The following CCDC102B variants were observed in gnomAD, a reference collection of about 807,000 sequenced individuals.
CCDC102B encodes the protein coiled-coil domain-containing protein 102B.
Under a neutral mutation model 57.4 loss-of-function variants are expected in CCDC102B, and 75 were observed. The observed-to-expected ratio is 1.31, with a 90% CI of 1.08 to 1.58. CCDC102B has a LOEUF of 1.58. CCDC102B is among the 40% of genes most tolerant of loss of function. The pLI is 0.00. For synonymous variants in CCDC102B, 206 were observed against 201.9 expected (o/e 1.02, Z -0.17); for missense variants, 636 against 582.6 (o/e 1.09, Z -0.94).
chr18:69,012,944 A>C (rs570908921), intron 7 of CCDC102B, among the ~76,000 whole-genome samples: 12 of 152,214 alleles, frequency 7.9e-5, no homozygotes, highest in Non-Finnish European at 1.5e-4. Context: ...AACAAGCTCT[A>C]ATGAAAACAA....
intron 6 of CCDC102B, among the ~76,000 whole-genome samples, chr18:68,937,340 C>T (rs765405795): frequency 2.6e-5 from 4 of 152,012 alleles, no homozygotes; most frequent in Non-Finnish European, 2.9e-5. Flanking sequence ...GTTCACAGAA[C>T]GAGAGCTGAA....
intron 2 of CCDC102B, among the ~76,000 whole-genome samples, chr18:68,767,831 G>C (rs1798671176): frequency 6.6e-6 from 1 of 152,034 alleles, no homozygotes; most frequent in Admixed American, 6.6e-5. Flanking sequence ...AATCATTTAT[G>C]ACAAAATATG....
At chr18:69,012,402 T>C (rs551264598) in intron 7 of CCDC102B, among the ~76,000 whole-genome samples, 52 of 152,264 alleles carry the variant, frequency 3.4e-4, no homozygotes, top group Non-Finnish European at 3.8e-4. Flanking sequence ...AATGAAGTGC[T>C]AGTCTCCGAA....
At chr18:68,835,694 C>G (rs958500866) in intron 1 of CCDC102B, among the ~76,000 whole-genome samples, 1 of 152,166 alleles carries the variant, frequency 6.6e-6, no homozygotes, top group Non-Finnish European at 1.5e-5. Flanking sequence ...TTCTACGTGT[C>G]ATGCCATAAT....
intron 2 of CCDC102B, among the ~76,000 whole-genome samples, chr18:68,758,293 A>G (rs2034127606): frequency 6.6e-6 from 1 of 151,598 alleles, no homozygotes; most frequent in Admixed American, 6.6e-5. Flanking sequence ...TATATATGTT[A>G]TATATATAAA....
At chr18:68,765,327 A>AAGAAAGAAAG (rs1568238814) in intron 2 of CCDC102B, among the ~76,000 whole-genome samples, 1 of 70,778 alleles carries the variant, frequency 1.4e-5, no homozygotes, top group Non-Finnish European at 3.1e-5. Context: ...GAAGGAAGGA[A>AAGAAAGAAAG]AGAAAGAAAG....
intron 4 of CCDC102B, among the ~76,000 whole-genome samples, chr18:68,857,007 TGTC>T (rs2038418498): frequency 7.3e-6 from 1 of 136,906 alleles, no homozygotes; most frequent in African/African-American, 2.7e-5. Flanking sequence ...TATTTTGTTT[TGTC>T]TATTTTCTTT....
chr18:68,824,741 A>C (rs932725739), intron 1 of CCDC102B, among the ~76,000 whole-genome samples: 1 of 152,208 alleles, frequency 6.6e-6, no homozygotes, highest in Non-Finnish European at 1.5e-5. Context: ...ACATGATATT[A>C]TAAGTCTTTG....
intron 1 of CCDC102B, among the ~76,000 whole-genome samples, chr18:68,803,178 G>A (rs1286376675): frequency 6.6e-6 from 1 of 152,126 alleles, no homozygotes; most frequent in East Asian, 1.9e-4. Context: ...TGTAATGCTT[G>A]CCTTTTGGAA....
chr18:69,037,864 C>G (rs1453627934), intron 7 of CCDC102B, among the ~76,000 whole-genome samples: 3 of 151,924 alleles, frequency 2.0e-5, no homozygotes, highest in Admixed American at 1.3e-4. Context: ...TTACGTGAGA[C>G]TAAATGGTCA....
At chr18:68,751,466 TCAC>T (rs2033848263) in intron 2 of CCDC102B, among the ~76,000 whole-genome samples, 1 of 151,580 alleles carries the variant, frequency 6.6e-6, no homozygotes, top group Non-Finnish European at 1.5e-5. Flanking sequence ...AACAGAGAAA[TCAC>T]CAAGAAAAAG....
chr18:68,830,604 TA>T (rs2037104162), intron 1 of CCDC102B, among the ~76,000 whole-genome samples: 1 of 151,384 alleles, frequency 6.6e-6, no homozygotes, highest in African/African-American at 2.4e-5. Context: ...AGATTATATA[TA>T]CATGTATATG....
At chr18:68,976,748 G>A (rs2050448338) in intron 6 of CCDC102B, among the ~76,000 whole-genome samples, 1 of 151,982 alleles carries the variant, frequency 6.6e-6, no homozygotes, top group Non-Finnish European at 1.5e-5. Context: ...TGTTACTTTA[G>A]TGTAGTTGAA....
intron 4 of CCDC102B, among the ~76,000 whole-genome samples, chr18:68,857,094 AT>A (rs1201787142): frequency 9.2e-6 from 1 of 109,176 alleles, no homozygotes; most frequent in African/African-American, 3.6e-5. Context: ...ATATTTATAT[AT>A]TTTTATATAT....
intron 7 of CCDC102B, among the ~76,000 whole-genome samples, chr18:69,052,435 G>T (rs903064569): frequency 1.3e-5 from 2 of 151,868 alleles, no homozygotes; most frequent in Non-Finnish European, 2.9e-5. Context: ...GCTACTGCTA[G>T]CCATGTCTCA....
At chr18:68,764,887 T>TA (rs199969769) in intron 2 of CCDC102B, among the ~76,000 whole-genome samples, 1,599 of 143,262 alleles carry the variant, frequency 0.011, 20 homozygotes, top group Admixed American at 0.014. Context: ...ATAATAATGA[T>TA]AAAAAAAAAA....
intron 1 of CCDC102B, among the ~76,000 whole-genome samples, chr18:68,823,194 A>T (rs1017219951): frequency 2.6e-5 from 4 of 152,246 alleles, no homozygotes; most frequent in South Asian, 4.1e-4. Flanking sequence ...TAAAGGGTAC[A>T]TATAGGTGTT....
chr18:68,933,931 C>T (rs1330313928), intron 6 of CCDC102B, among the ~76,000 whole-genome samples: 2 of 151,722 alleles, frequency 1.3e-5, no homozygotes, highest in African/African-American at 4.8e-5. Context: ...TTTGACAGGC[C>T]GGGAGAGGTA....
chr18:68,911,071 A>C (rs2040826665), intron 6 of CCDC102B, among the ~76,000 whole-genome samples: 1 of 152,234 alleles, frequency 6.6e-6, no homozygotes, highest in African/African-American at 2.4e-5. Context: ...TCAACCAGGC[A>C]GTCCCATTAC....
Sources: gnomAD v4.1 joint callset for allele counts (sites outside exome capture counted in the v4.1 genomes callset) on GRCh38, gnomAD v4.1.1 for gene constraint, MANE v1.5 for transcripts, NCBI Gene and HGNC (gene_info 2026-07-23, HGNC 2026-07-21) for gene names.